ZNF93: variants seen among roughly 807,000 people sequenced by gnomAD.
The protein encoded by ZNF93 is zinc finger protein 505.
A neutral mutation model predicts 45.0 loss-of-function variants in ZNF93; 29 were observed. The observed-to-expected ratio is 0.64, with a 90% CI of 0.48 to 0.88. ZNF93 has a LOEUF of 0.88. ZNF93 is among the 40% of genes least tolerant of loss of function. The pLI is 0.00. For missense variants in ZNF93, 578 were observed against 724.0 expected (o/e 0.80, Z 2.31); for synonymous variants, 223 against 244.6 (o/e 0.91, Z 0.82).
intron 1 of ZNF93, among the ~76,000 whole-genome samples, chr19:19,902,792 A>G (rs1444430786): frequency 2.0e-5 from 3 of 147,570 alleles, no homozygotes; most frequent in African/African-American, 5.1e-5. Flanking sequence ...GCTGGAGTGC[A>G]GTGGTGCGAT....
At chr19:19,919,267 G>A (rs1449210635) in intron 3 of ZNF93, among the ~76,000 whole-genome samples, 3 of 151,188 alleles carry the variant, frequency 2.0e-5, no homozygotes. Context: ...AGTTGTAGAT[G>A]TGTGGCATTA....
intron 3 of ZNF93, among the ~76,000 whole-genome samples, chr19:19,927,766 A>G (rs1332942188): frequency 6.6e-6 from 1 of 152,204 alleles, no homozygotes; most frequent in Non-Finnish European, 1.5e-5. Context: ...ACTGATTACA[A>G]TAAACATGGA....
At chr19:19,924,967 G>A (rs778046000) in intron 3 of ZNF93, among the ~76,000 whole-genome samples, 1 of 152,186 alleles carries the variant, frequency 6.6e-6, no homozygotes, top group Non-Finnish European at 1.5e-5. Flanking sequence ...TCATTGATTT[G>A]CTTCAGGGAA....
intron 1 of ZNF93, among the ~76,000 whole-genome samples, chr19:19,910,570 C>G (rs2122167262): frequency 6.6e-6 from 1 of 151,928 alleles, no homozygotes; most frequent in East Asian, 1.9e-4. Context: ...AGATTCCAGG[C>G]AACTTGAATC....
At chr19:19,917,555 A>C (rs548821424) in intron 3 of ZNF93, among the ~76,000 whole-genome samples, 1 of 152,004 alleles carries the variant, frequency 6.6e-6, no homozygotes, top group South Asian at 2.1e-4. Context: ...GTAATTTACT[A>C]TTTACTGAGT....
At chr19:19,910,324 A>G (rs891008261) in intron 1 of ZNF93, among the ~76,000 whole-genome samples, 3 of 152,336 alleles carry the variant, frequency 2.0e-5, no homozygotes, top group African/African-American at 7.2e-5. Context: ...TGAACTATGT[A>G]TTCATCTCTT....
At chr19:19,904,733 T>C (rs1007919687) in intron 1 of ZNF93, among the ~76,000 whole-genome samples, 3 of 151,040 alleles carry the variant, frequency 2.0e-5, no homozygotes, top group Non-Finnish European at 3.0e-5. Context: ...TGCTCTCCTC[T>C]ACACAGGCTG....
chr19:19,913,530 T>C (rs1474539611), intron 1 of ZNF93, among the ~76,000 whole-genome samples: 1 of 152,176 alleles, frequency 6.6e-6, no homozygotes, highest in East Asian at 1.9e-4. Flanking sequence ...CAGGTAAGTG[T>C]GGTGCATATT....
intron 3 of ZNF93, among the ~76,000 whole-genome samples, chr19:19,924,169 C>A (rs1317167012): frequency 6.6e-6 from 1 of 152,048 alleles, no homozygotes; most frequent in Non-Finnish European, 1.5e-5. Context: ...CTCACTGCAA[C>A]CTTTGCTTCC....
At position 19,923,524 on chromosome 19, in the gene ZNF93, A is replaced by G. The variant is rs574779952; in HGVS notation, c.226+6869A>G. Among the ~76,000 whole-genome samples the G allele has an allele frequency of 2.0e-5, 3 of 152,330 alleles. No individual in the cohort carries two copies. The South Asian group carries it at 6.2e-4, about 32-fold the overall frequency. On this transcript the variant is annotated intron_variant, in intron 3 of 3. Transcript: ENST00000343769. ...TGCCCTGCCCCCAGAGGTGGAGTCT[A>G]CAGAGGCAGGCAGGCCTCCTTGAGC...
At chr19:19,901,279 C>T (rs975986758) in intron 1 of ZNF93, among the ~76,000 whole-genome samples, 188 bp downstream of exon 1, 2 of 152,140 alleles carry the variant, frequency 1.3e-5, no homozygotes, top group Non-Finnish European at 2.9e-5. Flanking sequence ...AGCCCCCAGG[C>T]GTCCTGTCTC....
chr19:19,922,424 G>T (rs551717107), intron 3 of ZNF93, among the ~76,000 whole-genome samples: 1 of 152,232 alleles, frequency 6.6e-6, no homozygotes, highest in South Asian at 2.1e-4. Flanking sequence ...TCTTGGAGTT[G>T]CTCTTCTTGA....
At position 19,934,950 on chromosome 19, in the gene ZNF93, G is replaced by T; in HGVS notation, c.*132G>T. 9.7e-7 allele frequency: 1 copy of T among 1,035,488 alleles called. No individual in the cohort carries two copies. Among genetic ancestry groups the T allele is most frequent in the South Asian group, 1.8e-5 (1 of 56,826 alleles). The allele number at this position is 1,035,488 out of a possible 1,614,324, so 64.1% of individuals were successfully genotyped here. On this transcript the variant is annotated 3_prime_UTR_variant, in exon 4 of 4. Transcript: ENST00000343769. ...CTGGCAGAGGTCCTGCCATTTCGGAGACCTGGAGGAAGTGGCCCATTTACA... is the reference window on the plus strand; with the variant it reads ...CTGGCAGAGGTCCTGCCATTTCGGATACCTGGAGGAAGTGGCCCATTTACA...
intron 1 of ZNF93, among the ~76,000 whole-genome samples, chr19:19,907,404 G>A (rs1329750048): frequency 6.6e-6 from 1 of 152,128 alleles, no homozygotes; most frequent in Non-Finnish European, 1.5e-5. Flanking sequence ...TACTGCAAAA[G>A]CAAAAACAGT....
chr19:19,933,978 C>T lies in ZNF93; in HGVS notation c.1023C>T (p.Tyr341=), dbSNP rs2063383736. The T allele has an allele frequency of 1.9e-6, 3 of 1,612,526 alleles. No homozygotes were observed. The highest frequency in any genetic ancestry group is 1.3e-5 in the African/African-American group (1 of 74,720). The change falls in exon 4 of 4, where the codon TAC becomes TAT. Residue 341 remains tyrosine (Y), a synonymous_variant. Coordinates refer to ENST00000343769, the MANE Select transcript of ZNF93 (RefSeq NM_031218.4). ...GAATTCATACTGGAGAGAAACCATA[C>T]AAGTGTAATAAATGTGGCAAAGCCT... ...HKRIHTGEKP[Y]KCNKCGKAFI...
chr19:19,934,465 A>G lies in ZNF93; in HGVS notation c.1510A>G (p.Thr504Ala), dbSNP rs2063386522. The part of the protein sequence containing the change: ...SSLTKHKKIH[T>A]GEKPYKCEEC... ...CCTTACTAAACATAAGAAAATTCAT[A>G]CTGGAGAGAAACCCTACAAATGTGA... is the stretch of plus-strand genomic sequence containing the variant. The change falls in exon 4 of 4, where the codon ACT (threonine) becomes GCT (alanine). Residue 504 changes from threonine to alanine, a missense_variant. By Grantham distance (58) the Thr-to-Ala change is moderately conservative. Transcript: ENST00000343769. 1 of 1,613,194 alleles carries G rather than the reference A, an allele frequency of 6.2e-7. No individual in the cohort carries two copies. The highest frequency in any genetic ancestry group is 1.7e-5 in the Admixed American group (1 of 59,992).
At position 19,900,962 on chromosome 19, in the gene ZNF93, GGAGCT is replaced by G; in HGVS notation, c.-126_-122del. 6.8e-7 allele frequency: 1 copy of G among 1,476,680 alleles called. No individual in the cohort carries two copies. The highest frequency in any genetic ancestry group is 9.4e-7 in the Non-Finnish European group (1 of 1,068,226). 91.5% of individuals were successfully genotyped at this position (1,476,680 alleles called of 1,614,324 possible). ...GGGTCCTTTGTCTCTCGGTGCAGCC[GGAGCT>G]CCAGGTCTCCTCTTCACTACTCTGT... On this transcript the variant is annotated 5_prime_UTR_variant, in exon 1 of 4. Transcript: ENST00000343769.
chr19:19,912,834 T>G (rs2215914), intron 1 of ZNF93, among the ~76,000 whole-genome samples: 1 of 152,306 alleles, frequency 6.6e-6, no homozygotes, highest in Admixed American at 6.5e-5. Context: ...TAATGTGTTA[T>G]GCCCAGCACC....
intron 1 of ZNF93, among the ~76,000 whole-genome samples, chr19:19,902,649 T>C (rs1258080327): frequency 1.3e-5 from 2 of 151,782 alleles, no homozygotes; most frequent in Non-Finnish European, 2.9e-5. Flanking sequence ...GAAGGAGGCG[T>C]TATTCTGAGA....
Sources: gnomAD v4.1 joint callset for allele counts (sites outside exome capture counted in the v4.1 genomes callset) on GRCh38, gnomAD v4.1.1 for gene constraint, MANE v1.5 for transcripts, NCBI Gene and HGNC (gene_info 2026-07-23, HGNC 2026-07-21) for gene names.